Variants in NDST4 observed in about 807,000 individuals in gnomAD.
NDST4 encodes the protein N-heparan sulfate sulfotransferase 4.
In NDST4, 63 loss-of-function variants were observed where a neutral mutation model predicts 100.8. The ratio of observed to expected loss-of-function variants is 0.62; its 90% CI spans 0.51 to 0.77. The LOEUF (loss-of-function observed/expected upper bound fraction) is 0.77. Ranked by LOEUF, NDST4 falls within the 30% of genes least tolerant of loss-of-function variation. The pLI, the probability that NDST4 is intolerant of heterozygous loss-of-function variation, is 0.00. For synonymous variants in NDST4, 377 were observed against 361.8 expected, an observed-to-expected ratio of 1.04 and a Z score of -0.48; for missense variants, 943 against 1,018.4, an observed-to-expected ratio of 0.93 and a Z score of 1.01.
At chr4:115,014,614 C>T (rs1006427103) in intron 2 of NDST4, among the ~76,000 whole-genome samples, 2 of 152,026 alleles carry the variant, frequency 1.3e-5, no homozygotes, top group Non-Finnish European at 2.9e-5. Flanking sequence ...GTCCAGGCTA[C>T]TGTGCAAGCT....
chr4:115,021,375 A>G (rs144681150), intron 2 of NDST4, among the ~76,000 whole-genome samples: 2,508 of 146,966 alleles, frequency 0.017, 96 homozygotes, highest in African/African-American at 0.063. Flanking sequence ...CATTCCATAT[A>G]TATATTCCAT....
intron 4 of NDST4, among the ~76,000 whole-genome samples, chr4:114,939,952 G>A (rs555246548): frequency 6.6e-6 from 1 of 152,234 alleles, no homozygotes; most frequent in South Asian, 2.1e-4. Context: ...AGACCGAGAA[G>A]CTTCTATTTT....
chr4:114,938,816 C>T lies in NDST4; in HGVS notation c.1222-1313G>A, dbSNP rs193084862. Among the ~76,000 whole-genome samples, 1,137 of 152,294 alleles carry T rather than the reference C, an allele frequency of 7.5e-3. 8 individuals carry two copies. The highest frequency in any genetic ancestry group is 0.01 in the Non-Finnish European group (708 of 68,028). ...GACCCTCATTGTATAGCCAAAGTCACCTCTCTTTCTCCAAGACTATGGGTG... is the reference window on the plus strand; with the variant it reads ...GACCCTCATTGTATAGCCAAAGTCATCTCTCTTTCTCCAAGACTATGGGTG... On this transcript the variant is annotated intron_variant, in intron 4 of 13. Transcript: ENST00000264363.
intron 1 of NDST4, among the ~76,000 whole-genome samples, chr4:115,078,557 AT>A (rs1249266075): frequency 6.6e-6 from 1 of 152,034 alleles, no homozygotes; most frequent in Non-Finnish European, 1.5e-5. Flanking sequence ...AAATGTGATG[AT>A]TTAGGGTATC....
At chr4:115,077,399 T>C (rs1729211935) in intron 1 of NDST4, 117 bp from the exon 2 acceptor site, 1 of 158,460 alleles carries the variant, frequency 6.3e-6, no homozygotes. Context: ...AGTGTTAATA[T>C]GCTAAAATAT....
At chr4:114,868,128 A>G (rs1426620559) in intron 7 of NDST4, among the ~76,000 whole-genome samples, 1 of 152,184 alleles carries the variant, frequency 6.6e-6, no homozygotes, top group East Asian at 1.9e-4. Flanking sequence ...TCTAAAGAAA[A>G]ATAATAGTTG....
chr4:114,851,342 A>G (rs770309471), intron 8 of NDST4, among the ~76,000 whole-genome samples: 19 of 152,206 alleles, frequency 1.2e-4, no homozygotes, highest in Non-Finnish European at 1.8e-4. Flanking sequence ...TTCATAGCCT[A>G]TGAAATATTA....
chr4:114,929,647 A>G (rs538914023), intron 6 of NDST4, among the ~76,000 whole-genome samples: 1 of 152,338 alleles, frequency 6.6e-6, no homozygotes, highest in African/African-American at 2.4e-5. Context: ...TGTGTGTAGC[A>G]ATGATAAACT....
intron 2 of NDST4, among the ~76,000 whole-genome samples, chr4:114,996,489 A>G (rs910810265): frequency 6.6e-5 from 10 of 152,072 alleles, no homozygotes; most frequent in African/African-American, 2.2e-4. Flanking sequence ...CTAATTCCCA[A>G]TTTTGTGTAT....
intron 2 of NDST4, among the ~76,000 whole-genome samples, chr4:115,007,594 A>T: frequency 1.5e-5 from 1 of 67,322 alleles, no homozygotes; most frequent in South Asian, 7.4e-4. Context: ...GAAAGCTGGA[A>T]TGATGATACA....
chr4:115,019,680 A>G (rs1727766463), intron 2 of NDST4, among the ~76,000 whole-genome samples: 1 of 152,154 alleles, frequency 6.6e-6, no homozygotes, highest in Non-Finnish European at 1.5e-5. Context: ...TCAAAAACCC[A>G]TGTTGCAATT....
At position 114,935,308 on chromosome 4, in the gene NDST4, C is replaced by A; in HGVS notation, c.1434G>T (p.Leu478Phe). Residue 478 changes from leucine to phenylalanine, a missense_variant, in exon 6 of 14, where the codon TTG becomes TTT. Around this residue, in one of 2 missense-constraint regions of NDST4, gnomAD observed 526 missense variants for 634.1 expected, o/e 0.83. Transcript: ENST00000264363. ...IMVLPRQTCG[L>F]FTHTIFYKEY... ...CTTTGTAGAAAATAGTGTGAGTGAA[C>A]AACCCACAAGTCTGTCGAGGGAGGA... 1 of 1,609,196 alleles carries A rather than the reference C, an allele frequency of 6.2e-7. No individual in the cohort carries two copies. The highest frequency in any genetic ancestry group is 8.5e-7 in the Non-Finnish European group (1 of 1,177,846).
Position 115,033,160 on chromosome 4 carries a change from T to A in NDST4, c.978+42899A>T, listed in dbSNP as rs868137336. 8.8e-4 allele frequency among the ~76,000 whole-genome samples: 116 copies of A among 131,488 alleles called. 1 individual carries two copies. The highest frequency in any genetic ancestry group is 3.1e-3 in the African/African-American group (100 of 32,328). The allele number at this position is 131,488 out of a possible 152,430, so 86.3% of individuals were successfully genotyped here. ...ATATATATATATATATATATATATT[T>A]TTTTTTTTTTTGAAACAGGGTCTCA... On this transcript the variant is annotated intron_variant, in intron 2 of 13. Transcript: ENST00000264363.
chr4:115,070,769 A>T (rs1455900029), intron 2 of NDST4, among the ~76,000 whole-genome samples: 3 of 152,158 alleles, frequency 2.0e-5, no homozygotes, highest in Non-Finnish European at 4.4e-5. Context: ...GGCCAATTAT[A>T]TCTAAGTATT....
At chr4:114,880,215 C>T (rs7668694) in intron 6 of NDST4, among the ~76,000 whole-genome samples, 13,627 of 152,116 alleles carry the variant, frequency 0.09, 1,790 homozygotes, top group African/African-American at 0.29. Flanking sequence ...CACAACCGTA[C>T]AGTTGTTGCA....
Position 115,077,301 on chromosome 4 carries a change from G to GAGA in NDST4, c.-246-20_-246-19insTCT. 4.3e-6 allele frequency: 1 copy of GAGA among 231,750 alleles called. No individual in the cohort carries two copies. The highest frequency in any genetic ancestry group is 5.2e-5 in the Admixed American group (1 of 19,130). 14.4% of individuals were successfully genotyped at this position (231,750 alleles called of 1,614,324 possible). ...GCATAATCTGAAAGAGAGGAGAGAT[G>GAGA]TAATAACTAAGATAAAAATAGAAAT... On this transcript the variant is annotated intron_variant, in intron 1 of 13. Coordinates refer to ENST00000264363, the MANE Select transcript of NDST4 (RefSeq NM_022569.3).
intron 1 of NDST4, among the ~76,000 whole-genome samples, chr4:115,084,018 G>A (rs1729360094): frequency 6.6e-6 from 1 of 152,176 alleles, no homozygotes; most frequent in Non-Finnish European, 1.5e-5. Context: ...ACAGGCAGAG[G>A]TTGGAACAGT....
chr4:114,980,703 A>G (rs1241747537), intron 2 of NDST4, among the ~76,000 whole-genome samples: 1 of 150,974 alleles, frequency 6.6e-6, no homozygotes, highest in Non-Finnish European at 1.5e-5. Flanking sequence ...AGCTTTGACA[A>G]TATACATTAT....
chr4:114,842,520 G>A (rs1403239816), intron 10 of NDST4, among the ~76,000 whole-genome samples: 2 of 150,438 alleles, frequency 1.3e-5, no homozygotes, highest in South Asian at 2.1e-4. Flanking sequence ...GGCAGGGCGC[G>A]GTGGCTCACG....
Sources: gnomAD v4.1 joint callset for allele counts (sites outside exome capture counted in the v4.1 genomes callset) on GRCh38, gnomAD v4.1.1 for gene constraint, gnomAD v4.1.1 regional missense constraint, MANE v1.5 for transcripts, NCBI Gene and HGNC (gene_info 2026-07-23, HGNC 2026-07-21) for gene names.